MAGI2: variants seen among roughly 807,000 people sequenced by gnomAD.
MAGI2 encodes membrane associated guanylate kinase, WW and PDZ domain containing 2.
In MAGI2, 35 loss-of-function variants were observed where a neutral mutation model predicts 133.3. The ratio of observed to expected loss-of-function variants is 0.26; its 90% confidence interval spans 0.20 to 0.35. The LOEUF is 0.35. MAGI2 is among the 10% of genes least tolerant of loss of function. The probability of loss-of-function intolerance (pLI) is 1.00; values close to 1 mark genes in which losing one functional copy is unlikely to be tolerated. For synonymous variants in MAGI2, 729 were observed against 710.6 expected (o/e 1.03, Z -0.41); for missense variants, 1,636 against 1,863.4 (o/e 0.88, Z 2.25).
intron 2 of MAGI2, among the ~76,000 whole-genome samples, chr7:78,655,630 G>A (rs150169919): frequency 1.4e-4 from 21 of 152,112 alleles, no homozygotes; most frequent in African/African-American, 5.1e-4. Context: ...AATATGTATA[G>A]CAATTTAAAC....
chr7:78,553,934 G>A (rs1006590942), intron 3 of MAGI2, among the ~76,000 whole-genome samples: 3 of 152,118 alleles, frequency 2.0e-5, no homozygotes, highest in African/African-American at 4.8e-5. Flanking sequence ...GTGGGGTGAA[G>A]GCCCAACCTG....
At chr7:79,391,540 C>CACATAT (rs1844645263) in intron 1 of MAGI2, among the ~76,000 whole-genome samples, 1 of 46,704 alleles carries the variant, frequency 2.1e-5, no homozygotes, top group African/African-American at 1.8e-4. Context: ...TATATATAGA[C>CACATAT]ATATATATAT....
chr7:79,366,692 G>C (rs986183661), intron 1 of MAGI2, among the ~76,000 whole-genome samples: 1 of 152,022 alleles, frequency 6.6e-6, no homozygotes, highest in Admixed American at 6.6e-5. Context: ...AGGGGTCTCT[G>C]TATTATTTCT....
intron 2 of MAGI2, among the ~76,000 whole-genome samples, chr7:78,765,847 A>G (rs924643833): frequency 2.0e-5 from 3 of 152,218 alleles, no homozygotes; most frequent in African/African-American, 7.2e-5. Flanking sequence ...AAGAAAAAGC[A>G]TGAGAAGCCT....
intron 21 of MAGI2, among the ~76,000 whole-genome samples, chr7:78,059,927 A>G (rs1218644872): frequency 6.6e-6 from 1 of 152,084 alleles, no homozygotes; most frequent in Non-Finnish European, 1.5e-5. Context: ...CAGGCACAGA[A>G]TCTCATTCAG....
chr7:78,396,929 A>AT (rs1796398833), intron 6 of MAGI2, among the ~76,000 whole-genome samples: 1 of 151,968 alleles, frequency 6.6e-6, no homozygotes, highest in Admixed American at 6.6e-5. Context: ...AATCATGCAT[A>AT]TTTTCATTTA....
At chr7:78,430,623 A>G (rs1406727450) in intron 6 of MAGI2, among the ~76,000 whole-genome samples, 1 of 152,094 alleles carries the variant, frequency 6.6e-6, no homozygotes, top group Non-Finnish European at 1.5e-5. Context: ...AACAGTTGTT[A>G]TAGGAGGAAA....
At chr7:78,272,778 CT>C (rs1471937890) in intron 9 of MAGI2, among the ~76,000 whole-genome samples, 6 of 151,728 alleles carry the variant, frequency 4.0e-5, no homozygotes, top group African/African-American at 1.5e-4. Context: ...CTTTTTTTTG[CT>C]TTCCATTTGC....
At chr7:79,362,143 A>G (rs1225876769) in intron 1 of MAGI2, among the ~76,000 whole-genome samples, 1 of 152,170 alleles carries the variant, frequency 6.6e-6, no homozygotes, top group African/African-American at 2.4e-5. Context: ...TTTTAAAAAA[A>G]CAATAAAATT....
intron 7 of MAGI2, among the ~76,000 whole-genome samples, chr7:78,357,584 C>T (rs775451742): frequency 6.6e-5 from 10 of 152,138 alleles, no homozygotes; most frequent in Admixed American, 1.3e-4. Flanking sequence ...CCCTGTCAAC[C>T]TTCATAGCTG....
At chr7:78,763,133 T>C (rs1453496610) in intron 2 of MAGI2, among the ~76,000 whole-genome samples, 1 of 152,224 alleles carries the variant, frequency 6.6e-6, no homozygotes, top group Non-Finnish European at 1.5e-5. Flanking sequence ...GTACTACTAA[T>C]AGATATAGTA....
At chr7:78,318,082 C>G (rs945065049) in intron 9 of MAGI2, among the ~76,000 whole-genome samples, 5 of 152,208 alleles carry the variant, frequency 3.3e-5, no homozygotes, top group Admixed American at 6.5e-5. Context: ...AGGATCACAA[C>G]TCCTCACCAG....
intron 9 of MAGI2, among the ~76,000 whole-genome samples, chr7:78,306,332 A>G (rs191407467): frequency 6.6e-6 from 1 of 152,218 alleles, no homozygotes; most frequent in East Asian, 1.9e-4. Flanking sequence ...AAAATGGGTT[A>G]TATGATGTAC....
intron 3 of MAGI2, among the ~76,000 whole-genome samples, chr7:78,558,326 A>C (rs893241941): frequency 2.6e-5 from 4 of 152,200 alleles, no homozygotes; most frequent in African/African-American, 9.6e-5. Context: ...CAGCTGATTC[A>C]CTGTGGTTCA....
intron 2 of MAGI2, among the ~76,000 whole-genome samples, chr7:78,924,329 G>T (rs1191385259): frequency 6.6e-6 from 1 of 152,018 alleles, no homozygotes; most frequent in East Asian, 1.9e-4. Flanking sequence ...TTGGCTGTGG[G>T]TTTCTCATAG....
At chr7:78,910,932 G>T (rs1377699470) in intron 2 of MAGI2, among the ~76,000 whole-genome samples, 3 of 152,114 alleles carry the variant, frequency 2.0e-5, no homozygotes, top group African/African-American at 7.2e-5. Context: ...ACACACATTT[G>T]CACTCTTGAC....
intron 5 of MAGI2, among the ~76,000 whole-genome samples, chr7:78,500,768 C>T (rs1584411707): frequency 1.3e-5 from 2 of 152,270 alleles, no homozygotes; most frequent in East Asian, 1.9e-4. Context: ...ATTTTACTGA[C>T]ATCTGACACT....
intron 9 of MAGI2, among the ~76,000 whole-genome samples, chr7:78,327,105 G>A (rs1397088002): frequency 3.3e-5 from 5 of 152,142 alleles, no homozygotes; most frequent in African/African-American, 1.2e-4. Flanking sequence ...TTTCACCTCT[G>A]TCAGCTCCTG....
At chr7:78,247,536 C>G (rs1791928396) in intron 10 of MAGI2, among the ~76,000 whole-genome samples, 1 of 151,670 alleles carries the variant, frequency 6.6e-6, no homozygotes, top group African/African-American at 2.4e-5. Context: ...TACAGATAGA[C>G]AGTTGAAAAA....
Sources: allele counts gnomAD v4.1 joint callset (sites outside exome capture counted in the v4.1 genomes callset), GRCh38; gene constraint gnomAD v4.1.1; transcripts MANE v1.5; gene names NCBI Gene and HGNC (gene_info 2026-07-23, HGNC 2026-07-21).